The following DUSP11 variants were observed in gnomAD, a reference collection of about 807,000 sequenced individuals.
DUSP11 encodes RNA/RNP complex-1-interacting phosphatase.
Under a neutral mutation model 41.4 loss-of-function variants are expected in DUSP11, and 27 were observed. That is an observed-to-expected ratio of 0.65 (90% CI 0.48 to 0.90). DUSP11 has a LOEUF of 0.90. Among genes scored for constraint, DUSP11 ranks in the 40% least tolerant of loss-of-function variants. DUSP11 has a pLI of 0.00. For missense variants in DUSP11, 465 were observed against 461.1 expected, an observed-to-expected ratio of 1.01 and a Z score of -0.08; for synonymous variants, 188 against 159.3, an observed-to-expected ratio of 1.18 and a Z score of -1.35.
At chr2:73,775,445 C>T (rs1412079520) in intron 2 of DUSP11, among the ~76,000 whole-genome samples, 1 of 144,762 alleles carries the variant, frequency 6.9e-6, no homozygotes, top group East Asian at 2.1e-4. Flanking sequence ...GTGACACAAA[C>T]ATGGCTCACT....
intron 8 of DUSP11, among the ~76,000 whole-genome samples, 187 bp from the exon 9 acceptor site, chr2:73,763,046 T>C (rs1173288562): frequency 1.3e-5 from 2 of 152,194 alleles, no homozygotes; most frequent in East Asian, 1.9e-4. Flanking sequence ...CTAAGTTCTT[T>C]ATAAAATGGG....
chr2:73,772,682 A>G (rs961120482), intron 4 of DUSP11, among the ~76,000 whole-genome samples: 1 of 152,248 alleles, frequency 6.6e-6, no homozygotes. Flanking sequence ...CAGCTTATAC[A>G]AATGGGAAAG....
chr2:73,778,523 C>T (rs1672727437), intron 1 of DUSP11, 147 bp from the exon 2 acceptor site: 2 of 507,894 alleles, frequency 3.9e-6, no homozygotes, highest in African/African-American at 4.0e-5. Context: ...CTTATTAAAC[C>T]CCACCAAGTA....
At chr2:73,774,631 A>G (rs1045753327) in intron 3 of DUSP11, among the ~76,000 whole-genome samples, 3 of 152,166 alleles carry the variant, frequency 2.0e-5, no homozygotes, top group African/African-American at 7.2e-5. Flanking sequence ...GTGGAATCAT[A>G]TATTTGTCCT....
At chr2:73,780,146 C>A in exon 1 of DUSP11, 1 of 1,551,272 alleles carries the variant, frequency 6.4e-7, no homozygotes, top group South Asian at 1.2e-5. Context: ...GGCGTAGCCA[C>A]GCTGGCTTAC....
At chr2:73,764,466 G>A (rs1402971533) in intron 8 of DUSP11, among the ~76,000 whole-genome samples, 1 of 152,092 alleles carries the variant, frequency 6.6e-6, no homozygotes, top group East Asian at 1.9e-4. Context: ...TGTTTACAAC[G>A]TGCTAAACTG....
chr2:73,780,068 G>A (rs763240565), exon 1 of DUSP11: 5 of 1,601,402 alleles, frequency 3.1e-6, no homozygotes, highest in Non-Finnish European at 4.3e-6. Context: ...AACAGGAAAA[G>A]ACTCGGCAGC....
intron 4 of DUSP11, among the ~76,000 whole-genome samples, chr2:73,769,574 G>A (rs886395987): frequency 6.6e-6 from 1 of 152,134 alleles, no homozygotes; most frequent in South Asian, 2.1e-4. Flanking sequence ...AGACAAACCC[G>A]TCTATCTTAA....
rs139686203 is a variant in DUSP11, at chr2:73,762,914, T to A, written c.936-55A>T. The A allele has an allele frequency of 2.4e-3, 1,731 of 719,250 alleles. 30 individuals are homozygous for A. The African/African-American group carries it at 0.03, about 12-fold the overall frequency. The allele number at this position is 719,250 out of a possible 1,614,324, so 44.6% of individuals were successfully genotyped here. ...TTACTAGGATTAATACAATAATTTT[T>A]ATTTATTTTAAATTTATATTTTCAT... On this transcript the variant is annotated intron_variant, in intron 8 of 8. Transcript: ENST00000272444.
chr2:73,766,364 C>CTA, intron 8 of DUSP11, 54 bp downstream of exon 8: 1 of 1,402,196 alleles, frequency 7.1e-7, no homozygotes, highest in South Asian at 1.4e-5. Flanking sequence ...TTTTCATTAA[C>CTA]TATAGTATTA....
At chr2:73,768,736 C>T (rs1672518256) in intron 5 of DUSP11, 1 of 798,922 alleles carries the variant, frequency 1.3e-6, no homozygotes, top group Non-Finnish European at 1.5e-6. Context: ...GCGGGTGGAT[C>T]ACAAGGTCAG....
chr2:73,769,365 T>A, intron 4 of DUSP11, 40 bp from the exon 5 acceptor site: 1 of 1,387,390 alleles, frequency 7.2e-7, no homozygotes, highest in East Asian at 2.3e-5. Context: ...CTGAAGTAGA[T>A]ACACAAGTAT....
intron 1 of DUSP11, 135 bp downstream of exon 1, chr2:73,779,739 T>C: frequency 1.4e-6 from 2 of 1,384,044 alleles, no homozygotes; most frequent in Non-Finnish European, 2.0e-6. Flanking sequence ...GCGCAGAGGG[T>C]CAAAGCCTCA....
At chr2:73,769,079 T>C in intron 5 of DUSP11, 186 bp downstream of exon 5, 1 of 535,834 alleles carries the variant, frequency 1.9e-6, no homozygotes, top group Non-Finnish European at 3.3e-6. Flanking sequence ...TATGCTTGTA[T>C]CTGCATTTTT....
intron 8 of DUSP11, among the ~76,000 whole-genome samples, chr2:73,764,575 G>A (rs138878278): frequency 6.6e-6 from 1 of 152,202 alleles, no homozygotes; most frequent in Non-Finnish European, 1.5e-5. Flanking sequence ...GATAGGCTAA[G>A]TATCTTATCC....
At chr2:73,779,838 C>G (rs376711371) in intron 1 of DUSP11, 36 bp downstream of exon 1, 4 of 1,609,518 alleles carry the variant, frequency 2.5e-6, no homozygotes, top group Non-Finnish European at 3.4e-6. Flanking sequence ...AAGCCACGAG[C>G]TGGAAAGGCC....
At chr2:73,771,844 AGG>A (rs1186022551) in intron 4 of DUSP11, among the ~76,000 whole-genome samples, 3 of 106,272 alleles carry the variant, frequency 2.8e-5, no homozygotes, top group African/African-American at 1.1e-4. Flanking sequence ...TTTTTGAGAC[AGG>A]GTCTTGCTCT....
At position 73,778,396 on chromosome 2, in the gene DUSP11, T is replaced by C. The variant is rs891265122; in HGVS notation, c.243-20A>G. 4.1e-6 allele frequency: 6 copies of C among 1,451,564 alleles called. No homozygotes were observed. The highest frequency in any genetic ancestry group is 5.5e-6 in the Non-Finnish European group (6 of 1,086,712). The allele number at this position is 1,451,564 out of a possible 1,614,324, so 89.9% of individuals were successfully genotyped here. A position where few individuals can be genotyped will look rare whatever the true frequency, so the allele number is the denominator to read the frequency against. On this transcript the variant is annotated intron_variant, in intron 1 of 8. Transcript: ENST00000272444. Reference sequence around the variant, plus strand: ...TTCCACCTATTAGATATATTTTTTGTTAGCCAAATTGTATGTTAGCCTTGT... The same window carrying C: ...TTCCACCTATTAGATATATTTTTTGCTAGCCAAATTGTATGTTAGCCTTGT...
rs928867718 is a variant in DUSP11, at chr2:73,769,246, T to C, written c.635+19A>G. On this transcript the variant is annotated intron_variant, in intron 5 of 8. Transcript: ENST00000272444. ...CAAAAACAATTTAAAATGGTCTGCC[T>C]CTGGGGTTGGCAACTTACCTGCAAA... The C allele has an allele frequency of 6.2e-7, 1 of 1,607,000 alleles. No homozygotes were observed. The highest frequency in any genetic ancestry group is 1.3e-5 in the African/African-American group (1 of 74,762).
Sources: allele counts gnomAD v4.1 joint callset (sites outside exome capture counted in the v4.1 genomes callset), GRCh38; gene constraint gnomAD v4.1.1; transcripts MANE v1.5; gene names NCBI Gene and HGNC (gene_info 2026-07-23, HGNC 2026-07-21).